Variants in PRIM2 observed in about 807,000 individuals in gnomAD.
PRIM2 encodes DNA primase large subunit.
A neutral mutation model predicts 67.3 loss-of-function variants in PRIM2; 39 were observed. The observed-to-expected ratio is 0.58, with a 90% CI of 0.45 to 0.76. PRIM2 has a LOEUF of 0.76. PRIM2 is among the 30% of genes least tolerant of loss of function. The probability of loss-of-function intolerance (pLI) is 0.00; values close to 1 mark genes in which losing one functional copy is unlikely to be tolerated. For missense variants in PRIM2, 398 were observed against 598.7 expected (o/e 0.66, Z 3.50); for synonymous variants, 143 against 198.7 (o/e 0.72, Z 2.36).
At chr6:57,226,064 C>T in the PRIM2 span, among the ~76,000 whole-genome samples, 1 of 151,966 alleles carries the variant, frequency 6.6e-6, no homozygotes, top group Non-Finnish European at 1.5e-5. Context: ...AAAAAAAATA[C>T]ATATTGTGCC....
intron 7 of PRIM2, among the ~76,000 whole-genome samples, chr6:57,489,412 C>G (rs1773829813): frequency 6.6e-6 from 1 of 152,282 alleles, no homozygotes; most frequent in Non-Finnish European, 1.5e-5. Context: ...AAAAACTAAG[C>G]TGGGCGTGGT....
intron 5 of PRIM2, among the ~76,000 whole-genome samples, chr6:57,372,435 A>G (rs1271882013): frequency 6.6e-6 from 1 of 152,242 alleles, no homozygotes; most frequent in Non-Finnish European, 1.5e-5. Flanking sequence ...TAGTATAAGT[A>G]AAATAGCATA....
chr6:57,350,951 GAAAGA>G (rs1768838872), intron 5 of PRIM2, among the ~76,000 whole-genome samples: 1 of 151,162 alleles, frequency 6.6e-6, no homozygotes, highest in Admixed American at 6.6e-5. Flanking sequence ...TTTGTCATGG[GAAAGA>G]GTGGAAGATG....
chr6:57,233,875 C>T, the PRIM2 span, among the ~76,000 whole-genome samples: 1 of 152,068 alleles, frequency 6.6e-6, no homozygotes, highest in Non-Finnish European at 1.5e-5. Flanking sequence ...GTTGCCCAGG[C>T]TGGACTCAAT....
intron 12 of PRIM2, among the ~76,000 whole-genome samples, chr6:57,614,979 A>G (rs1282780203): frequency 2.4e-4 from 36 of 152,214 alleles, no homozygotes; most frequent in African/African-American, 8.4e-4. Flanking sequence ...TATTGTATCT[A>G]TCTATCAATA....
At chr6:57,339,402 A>G (rs1445717631) in intron 5 of PRIM2, among the ~76,000 whole-genome samples, 1 of 152,144 alleles carries the variant, frequency 6.6e-6, no homozygotes, top group African/African-American at 2.4e-5. Context: ...CGCCAAGTCA[A>G]TCCTAAGCCA....
chr6:57,382,019 C>G lies in PRIM2; in HGVS notation c.556-12C>G, dbSNP rs1261607995. On this transcript the variant is annotated splice_polypyrimidine_tract_variant and intron_variant, in intron 6 of 13. Transcript: ENST00000615550. ...GTGCTGACTTATTTTGCCTGTTTTA[C>G]TCTTAATTCAGATCCCTTTTGCTGA... 1.2e-6 allele frequency: 2 copies of G among 1,602,208 alleles called. No individual in the cohort carries two copies. The highest frequency in any genetic ancestry group is 2.7e-5 in the African/African-American group (2 of 74,818).
chr6:57,423,585 G>T (rs1201971258), intron 7 of PRIM2, among the ~76,000 whole-genome samples: 2 of 152,184 alleles, frequency 1.3e-5, no homozygotes, highest in Non-Finnish European at 2.9e-5. Flanking sequence ...GTTAGTAGTT[G>T]CTAGGTAATA....
In PRIM2 at chr6:57,587,664, C is replaced by CA. The variant is rs1157172882; in HGVS notation, c.1021-13399dup. On this transcript the variant is annotated intron_variant, in intron 10 of 13. Transcript: ENST00000615550. Reference sequence around the variant, plus strand: ...GGGCAACAAGAGTGAGACTCTGTCTCAAAAAAAAAAAAAAAAAAAAAAAAA... The same window carrying CA: ...GGGCAACAAGAGTGAGACTCTGTCTCAAAAAAAAAAAAAAAAAAAAAAAAAA... Among the ~76,000 whole-genome samples, 151 of 54,238 alleles carry CA rather than the reference C, an allele frequency of 2.8e-3. 11 individuals are homozygous for CA. The highest frequency in any genetic ancestry group is 0.01 in the African/African-American group (136 of 13,078). The allele number at this position is 54,238 out of a possible 152,430, so 35.6% of individuals were successfully genotyped here.
At chr6:57,364,989 T>C (rs1261713476) in intron 5 of PRIM2, among the ~76,000 whole-genome samples, 1 of 152,198 alleles carries the variant, frequency 6.6e-6, no homozygotes, top group Non-Finnish European at 1.5e-5. Context: ...GGAGCCCATC[T>C]GCTGCTGTGC....
intron 5 of PRIM2, among the ~76,000 whole-genome samples, chr6:57,327,108 C>T (rs1340250673): frequency 6.6e-6 from 1 of 151,930 alleles, no homozygotes; most frequent in Non-Finnish European, 1.5e-5. Context: ...GCCATGTTGG[C>T]CAGGGTGGTC....
intron 5 of PRIM2, among the ~76,000 whole-genome samples, chr6:57,345,472 A>ATATGTGTGTGTGTGTGTG: frequency 1.3e-5 from 1 of 79,902 alleles, no homozygotes; most frequent in African/African-American, 5.4e-5. Context: ...TGATATATAT[A>ATATGTGTGTGTGTGTGTG]TATGTGTGTG....
chr6:57,594,860 A>G (rs1776338589), intron 10 of PRIM2, among the ~76,000 whole-genome samples: 1 of 152,248 alleles, frequency 6.6e-6, no homozygotes, highest in Non-Finnish European at 1.5e-5. Context: ...AGCCTTTGTT[A>G]CAATTACATT....
At chr6:57,376,497 CTT>C (rs1395275424) in intron 5 of PRIM2, among the ~76,000 whole-genome samples, 2 of 151,944 alleles carry the variant, frequency 1.3e-5, no homozygotes, top group East Asian at 3.9e-4. Context: ...TGGATTGACT[CTT>C]TTTTTTGTTA....
chr6:57,620,006 C>A (rs1254967971), intron 12 of PRIM2, among the ~76,000 whole-genome samples: 8 of 152,212 alleles, frequency 5.3e-5, no homozygotes, highest in African/African-American at 1.9e-4. Flanking sequence ...ACCGTCCTGG[C>A]TAACACAGTG....
At chr6:57,478,601 G>A (rs1406436905) in intron 7 of PRIM2, among the ~76,000 whole-genome samples, 2 of 152,104 alleles carry the variant, frequency 1.3e-5, no homozygotes, top group Non-Finnish European at 2.9e-5. Context: ...TTGTATGAAA[G>A]TACCTTCTTC....
At chr6:57,433,183 C>T (rs1404273074) in intron 7 of PRIM2, among the ~76,000 whole-genome samples, 3 of 146,530 alleles carry the variant, frequency 2.0e-5, no homozygotes, top group Admixed American at 7.0e-5. Flanking sequence ...TTGCCAACCC[C>T]AGTGCTAAAT....
At chr6:57,325,874 A>C in intron 4 of PRIM2, 51 bp from the exon 5 acceptor site, 1 of 1,495,568 alleles carries the variant, frequency 6.7e-7, no homozygotes. Flanking sequence ...TCTTAGATTT[A>C]ATAATTACTG....
intron 5 of PRIM2, among the ~76,000 whole-genome samples, chr6:57,348,545 G>A (rs1160789753): frequency 1.3e-5 from 2 of 152,044 alleles, no homozygotes; most frequent in Non-Finnish European, 2.9e-5. Flanking sequence ...TGGCTTGTTG[G>A]TTCAGTCCAG....
Sources: gnomAD v4.1 joint callset for allele counts (sites outside exome capture counted in the v4.1 genomes callset) on GRCh38, gnomAD v4.1.1 for gene constraint, MANE v1.5 for transcripts, NCBI Gene and HGNC (gene_info 2026-07-23, HGNC 2026-07-21) for gene names.